SLC35A1: variants seen among roughly 807,000 people sequenced by gnomAD.
SLC35A1 encodes the protein solute carrier family 35 member A1, also known as CMP-sialic acid transporter.
A neutral mutation model predicts 40.3 loss-of-function variants in SLC35A1; 21 were observed. That is an observed-to-expected ratio of 0.52 (90% CI 0.37 to 0.75). SLC35A1 has a LOEUF of 0.75. Among genes scored for constraint, SLC35A1 ranks in the 30% least tolerant of loss-of-function variants. The pLI, the probability that SLC35A1 is intolerant of heterozygous loss-of-function variation, is 0.00. For synonymous variants in SLC35A1, 146 were observed against 147.3 expected (o/e 0.99, Z 0.06); for missense variants, 297 against 382.1 (o/e 0.78, Z 1.86).
Position 87,500,598 on chromosome 6 carries a change from G to A in SLC35A1, c.285G>A (p.Ser95=), listed in dbSNP as rs751062205. ...PKELLKLSVP[S]LVYAVQNNMA... Reference sequence around the variant, plus strand: ...AACTGTTGAAGTTAAGTGTGCCATCGTTAGTGTATGCTGTTCAGAACAACA... The same window carrying A: ...AACTGTTGAAGTTAAGTGTGCCATCATTAGTGTATGCTGTTCAGAACAACA... Residue 95 remains serine, a synonymous_variant, in exon 3 of 8, where the codon TCG becomes TCA. Coordinates refer to ENST00000369552, the MANE Select transcript of SLC35A1 (RefSeq NM_006416.5). 12 of 1,614,000 alleles carry A rather than the reference G, an allele frequency of 7.4e-6. No individual in the cohort carries two copies. The Admixed American group carries it at 8.3e-5, about 11-fold the overall frequency.
chr6:87,501,061 T>C, intron 3 of SLC35A1, 97 bp from the exon 4 acceptor site: 1 of 1,238,126 alleles, frequency 8.1e-7, no homozygotes, highest in Non-Finnish European at 1.2e-6. Flanking sequence ...TTATCAAATA[T>C]TTTTTATTGA....
At chr6:87,490,207 G>A (rs374443730) in intron 2 of SLC35A1, among the ~76,000 whole-genome samples, 43 of 151,924 alleles carry the variant, frequency 2.8e-4, no homozygotes, top group African/African-American at 9.7e-4. Flanking sequence ...CTAGCTTGGG[G>A]GATAAAGTGA....
At chr6:87,501,445 C>A in intron 4 of SLC35A1, 135 bp downstream of exon 4, 2 of 870,184 alleles carry the variant, frequency 2.3e-6, no homozygotes, top group Non-Finnish European at 3.7e-6. Context: ...TATAGATAGG[C>A]CTTTTTTCTT....
intron 2 of SLC35A1, among the ~76,000 whole-genome samples, chr6:87,491,950 G>A (rs967507419): frequency 1.8e-4 from 28 of 152,234 alleles, no homozygotes; most frequent in African/African-American, 6.7e-4. Context: ...ATTTTAAGGG[G>A]TAACACATTT....
chr6:87,506,354 A>G lies in SLC35A1; in HGVS notation c.508-28A>G, dbSNP rs1480547366. 6 of 1,585,000 alleles carry G rather than the reference A, an allele frequency of 3.8e-6. No homozygotes were observed. The South Asian group carries it at 6.6e-5, about 18-fold the overall frequency. The stretch of plus-strand genomic sequence containing the variant: ...GATGAACTCTGTTTATTAGTCACTA[A>G]AAATAACTTTAACAATTAATATTGC... On this transcript the variant is annotated intron_variant, in intron 4 of 7. Coordinates refer to ENST00000369552, the MANE Select transcript of SLC35A1 (RefSeq NM_006416.5).
intron 2 of SLC35A1, among the ~76,000 whole-genome samples, chr6:87,491,646 A>G (rs530796822): frequency 6.6e-6 from 1 of 152,334 alleles, no homozygotes; most frequent in South Asian, 2.1e-4. Context: ...CTATAATAAA[A>G]TACCATAGAC....
rs947356882 is a variant in SLC35A1, at chr6:87,473,092, C to G, written c.16+73C>G. 4 of 425,046 alleles carry G rather than the reference C, an allele frequency of 9.4e-6. No homozygotes were observed. In the East Asian group the frequency reaches 1.4e-4, roughly 15 times the overall value. The allele number at this position is 425,046 out of a possible 1,614,324, so 26.3% of individuals were successfully genotyped here. A position where few individuals can be genotyped will look rare whatever the true frequency, so the allele number is the denominator to read the frequency against. ...CGGGCGAGCATCTGCGCTGGTCAGC[C>G]CCTGTCGGGCAGCGGAGCACCCTGG... On this transcript the variant is annotated intron_variant, in intron 1 of 7. Transcript: ENST00000369552.
chr6:87,482,243 C>G (rs112720699), intron 2 of SLC35A1, among the ~76,000 whole-genome samples: 177 of 129,806 alleles, frequency 1.4e-3, no homozygotes, highest in African/African-American at 4.7e-3. Flanking sequence ...TTCTCCCCCC[C>G]CTCCTTTTTT....
intron 2 of SLC35A1, among the ~76,000 whole-genome samples, chr6:87,487,679 G>C (rs1213114457): frequency 6.6e-6 from 1 of 152,098 alleles, no homozygotes; most frequent in Non-Finnish European, 1.5e-5. Flanking sequence ...ACAATGCTTG[G>C]GAGCCATTTA....
chr6:87,503,977 G>A (rs1455718151), intron 4 of SLC35A1, among the ~76,000 whole-genome samples: 1 of 152,072 alleles, frequency 6.6e-6, no homozygotes. Context: ...CTAAATACTA[G>A]CATTATCTAA....
chr6:87,500,711 G>A (rs1184856856), intron 3 of SLC35A1, 44 bp downstream of exon 3: 13 of 1,580,232 alleles, frequency 8.2e-6, no homozygotes, highest in Admixed American at 1.7e-5. Context: ...ATCTTTTATG[G>A]TAAAAAGAGT....
intron 2 of SLC35A1, chr6:87,488,570 C>T (rs1769452485): frequency 1.3e-5 from 2 of 152,264 alleles, no homozygotes; most frequent in South Asian, 4.1e-4. Flanking sequence ...AGGAGTCAGT[C>T]TGGTACTGAG....
Position 87,500,716 on chromosome 6 carries a change from AAG to A in SLC35A1, c.354+52_354+53del, listed in dbSNP as rs1425466737. The A allele has an allele frequency of 6.9e-6, 11 of 1,592,578 alleles. No individual in the cohort carries two copies. In the Admixed American group the frequency reaches 1.7e-4, roughly 24 times the overall value. On this transcript the variant is annotated intron_variant, in intron 3 of 7. Coordinates refer to ENST00000369552, the MANE Select transcript of SLC35A1 (RefSeq NM_006416.5). ...AAAGCACAGAATCTTTTATGGTAAA[AAG>A]AGTTTTTATTAACTCTTTATCATAT...
chr6:87,474,951 C>T (rs1769024512), intron 1 of SLC35A1, among the ~76,000 whole-genome samples: 1 of 152,040 alleles, frequency 6.6e-6, no homozygotes, highest in Non-Finnish European at 1.5e-5. Flanking sequence ...TTTAAATATT[C>T]ACTTTGTTGT....
intron 2 of SLC35A1, among the ~76,000 whole-genome samples, chr6:87,490,859 C>T (rs918857490): frequency 6.6e-6 from 1 of 152,230 alleles, no homozygotes; most frequent in African/African-American, 2.4e-5. Flanking sequence ...TAGCTATACT[C>T]TGTAGAATAC....
At chr6:87,486,762 C>G (rs762498712) in intron 2 of SLC35A1, among the ~76,000 whole-genome samples, 1 of 152,074 alleles carries the variant, frequency 6.6e-6, no homozygotes, top group Non-Finnish European at 1.5e-5. Flanking sequence ...GTTTGAAATC[C>G]CTGAGGCAGA....
At chr6:87,504,183 T>G (rs1372238114) in intron 4 of SLC35A1, among the ~76,000 whole-genome samples, 1 of 151,174 alleles carries the variant, frequency 6.6e-6, no homozygotes, top group Non-Finnish European at 1.5e-5. Flanking sequence ...CCCAGCTACT[T>G]GGGAAGCTGA....
chr6:87,509,223 T>C, intron 7 of SLC35A1, 48 bp downstream of exon 7: 1 of 1,609,342 alleles, frequency 6.2e-7, no homozygotes, highest in Non-Finnish European at 8.5e-7. Context: ...AGCCTCCCAT[T>C]TCCTTGATTC....
Position 87,485,194 on chromosome 6 carries a change from G to C in SLC35A1, c.194+7655G>C, listed in dbSNP as rs556263243. 2.0e-5 allele frequency among the ~76,000 whole-genome samples: 3 copies of C among 152,262 alleles called. No homozygotes were observed. The South Asian group carries it at 6.2e-4, about 32-fold the overall frequency. ...AAATAATTGTTACAAAAAATGTTAT[G>C]AGATGATTTGTTATATGCACAGGAA... On this transcript the variant is annotated intron_variant, in intron 2 of 7. Coordinates refer to ENST00000369552, the MANE Select transcript of SLC35A1 (RefSeq NM_006416.5).
Sources: gnomAD v4.1 joint callset for allele counts (sites outside exome capture counted in the v4.1 genomes callset) on GRCh38, gnomAD v4.1.1 for gene constraint, MANE v1.5 for transcripts, NCBI Gene and HGNC (gene_info 2026-07-23, HGNC 2026-07-21) for gene names.